Variants in THSD4 observed in about 807,000 individuals in gnomAD.
THSD4 encodes thrombospondin type 1 domain containing 4, also known as thrombospondin type-1 domain-containing protein 4.
Under a neutral mutation model 119.0 loss-of-function variants are expected in THSD4, and 69 were observed. The observed-to-expected ratio is 0.58, with a 90% CI of 0.48 to 0.71. The LOEUF is 0.71. Ranked by LOEUF, THSD4 falls within the 30% of genes least tolerant of loss-of-function variation. THSD4 has a pLI of 0.00. For missense variants in THSD4, 1,393 were observed against 1,391.1 expected, an observed-to-expected ratio of 1.00 and a Z score of -0.02; for synonymous variants, 524 against 540.4, an observed-to-expected ratio of 0.97 and a Z score of 0.42.
intron 8 of THSD4, among the ~76,000 whole-genome samples, chr15:71,699,586 G>A (rs2052242978): frequency 6.6e-6 from 1 of 152,178 alleles, no homozygotes; most frequent in South Asian, 2.1e-4. Context: ...CTGAGTCCAT[G>A]CTGAGATCAT....
intron 7 of THSD4, among the ~76,000 whole-genome samples, chr15:71,589,891 G>A (rs566341734): frequency 1.4e-5 from 2 of 139,204 alleles, no homozygotes; most frequent in South Asian, 4.6e-4. Flanking sequence ...GAAAACTAGA[G>A]CCACATGTGT....
Position 71,556,504 on chromosome 15 carries a change from C to T in THSD4, c.1153-104026C>T, listed in dbSNP as rs188727120. Among the ~76,000 whole-genome samples, 292 of 152,108 alleles carry T rather than the reference C, an allele frequency of 1.9e-3. 1 individual carries two copies. Among genetic ancestry groups the T allele is most frequent in the African/African-American group, 6.9e-3 (285 of 41,500 alleles). On this transcript the variant is annotated intron_variant, in intron 7 of 17. Coordinates refer to ENST00000261862, the MANE Select transcript of THSD4 (RefSeq NM_024817.3). ...GCTCATGTTTGTAATGCTGGTAGCACTTTGGGATGCTGAGGCAGGCAGATC... is the reference window on the plus strand; with the variant it reads ...GCTCATGTTTGTAATGCTGGTAGCATTTTGGGATGCTGAGGCAGGCAGATC...
intron 6 of THSD4, among the ~76,000 whole-genome samples, chr15:71,338,336 G>C (rs537428934): frequency 2.0e-5 from 3 of 150,164 alleles, no homozygotes; most frequent in African/African-American, 7.4e-5. Context: ...CTGAAAGCAA[G>C]GGGTCTGCTT....
At chr15:71,569,034 AAT>A (rs1310212292) in intron 7 of THSD4, among the ~76,000 whole-genome samples, 1 of 152,258 alleles carries the variant, frequency 6.6e-6, no homozygotes, top group African/African-American at 2.4e-5. Flanking sequence ...GTCTCATCTG[AAT>A]ATGTTTTTAC....
chr15:71,256,488 A>T (rs2044318284), intron 5 of THSD4, 125 bp from the exon 6 acceptor site: 2 of 588,514 alleles, frequency 3.4e-6, no homozygotes, highest in African/African-American at 4.0e-5. Flanking sequence ...AAAAAAAAAA[A>T]TAAATAAATA....
intron 8 of THSD4, 131 bp downstream of exon 8, chr15:71,660,865 A>T: frequency 1.0e-6 from 1 of 993,238 alleles, no homozygotes; most frequent in Non-Finnish European, 1.5e-6. Context: ...GGGAATGTCA[A>T]AGTACCACCT....
At chr15:71,511,210 G>A (rs1386107407) in intron 7 of THSD4, among the ~76,000 whole-genome samples, 1 of 152,192 alleles carries the variant, frequency 6.6e-6, no homozygotes, top group East Asian at 1.9e-4. Flanking sequence ...TGGCCTGTGT[G>A]TGGAACTGGT....
chr15:71,440,138 C>T (rs573651552), intron 7 of THSD4, among the ~76,000 whole-genome samples: 2 of 152,228 alleles, frequency 1.3e-5, no homozygotes, highest in Admixed American at 1.3e-4. Context: ...GAAGGGAGAT[C>T]AGTGACAGCC....
intron 7 of THSD4, among the ~76,000 whole-genome samples, chr15:71,432,940 T>C (rs1038130828): frequency 2.0e-5 from 3 of 152,070 alleles, no homozygotes; most frequent in African/African-American, 7.2e-5. Flanking sequence ...ACGTGTTGTA[T>C]ACAGAATTAT....
intron 3 of THSD4, among the ~76,000 whole-genome samples, chr15:71,185,068 T>C (rs1310569079): frequency 4.0e-5 from 6 of 151,842 alleles, no homozygotes; most frequent in Admixed American, 2.6e-4. Context: ...GCTAAGCCCA[T>C]TGGCCACAGA....
At chr15:71,221,143 C>T (rs1339458004) in intron 4 of THSD4, among the ~76,000 whole-genome samples, 1 of 152,110 alleles carries the variant, frequency 6.6e-6, no homozygotes, top group African/African-American at 2.4e-5. Context: ...TGAAGAGACT[C>T]CTTGGTAGGG....
intron 11 of THSD4, among the ~76,000 whole-genome samples, chr15:71,739,213 A>G (rs993128226): frequency 1.1e-4 from 17 of 152,024 alleles, no homozygotes; most frequent in African/African-American, 4.1e-4. Flanking sequence ...GTATTCATTC[A>G]TTATTCCAAC....
chr15:71,701,196 A>G (rs1487756186), intron 8 of THSD4, among the ~76,000 whole-genome samples: 1 of 152,220 alleles, frequency 6.6e-6, no homozygotes, highest in East Asian at 1.9e-4. Flanking sequence ...CCCAATGTAA[A>G]AAAGGCAAAG....
chr15:71,164,723 G>C, intron 3 of THSD4: 1 of 1,563,656 alleles, frequency 6.4e-7, no homozygotes, highest in Non-Finnish European at 8.6e-7. Context: ...TGTACAGGGG[G>C]GTTAAATGCT....
chr15:71,633,492 C>G (rs558055021), intron 7 of THSD4, among the ~76,000 whole-genome samples: 1 of 152,186 alleles, frequency 6.6e-6, no homozygotes, highest in Admixed American at 6.5e-5. Flanking sequence ...TTGGGCTGGT[C>G]TCGAACTTCT....
chr15:71,399,089 CTGCT>C (rs2046488423), intron 6 of THSD4, among the ~76,000 whole-genome samples: 1 of 151,944 alleles, frequency 6.6e-6, no homozygotes. Flanking sequence ...GTGGGAAGCT[CTGCT>C]TGGAGTATCT....
chr15:71,646,255 C>G (rs1443878872), intron 7 of THSD4, among the ~76,000 whole-genome samples: 5 of 152,138 alleles, frequency 3.3e-5, no homozygotes, highest in African/African-American at 9.7e-5. Context: ...CTCAGGAGCA[C>G]CTCTGCACAC....
At chr15:71,380,771 C>T (rs2046218419) in intron 6 of THSD4, among the ~76,000 whole-genome samples, 1 of 150,692 alleles carries the variant, frequency 6.6e-6, no homozygotes, top group African/African-American at 2.4e-5. Flanking sequence ...TCTGGAGACA[C>T]AGTAGAAGAA....
intron 6 of THSD4, among the ~76,000 whole-genome samples, chr15:71,375,519 C>T (rs970130644): frequency 6.6e-6 from 1 of 152,124 alleles, no homozygotes; most frequent in African/African-American, 2.4e-5. Context: ...TTTTTGGGAG[C>T]AGGGACTTTG....
Sources: allele counts gnomAD v4.1 joint callset (sites outside exome capture counted in the v4.1 genomes callset), GRCh38; gene constraint gnomAD v4.1.1; transcripts MANE v1.5; gene names NCBI Gene and HGNC (gene_info 2026-07-23, HGNC 2026-07-21).